RBFOX1: variants seen among roughly 807,000 people sequenced by gnomAD.
RBFOX1 encodes RNA binding protein fox-1 homolog 1.
In RBFOX1, 8 loss-of-function variants were observed where a neutral mutation model predicts 57.7. The observed-to-expected ratio is 0.14, with a 90% CI of 0.08 to 0.25. The LOEUF is 0.25. Among genes scored for constraint, RBFOX1 ranks in the 10% least tolerant of loss-of-function variants. RBFOX1 has a pLI of 1.00. For synonymous variants in RBFOX1, 326 were observed against 222.4 expected, an observed-to-expected ratio of 1.47 and a Z score of -4.15; for missense variants, 611 against 548.5, an observed-to-expected ratio of 1.11 and a Z score of -1.14.
At chr16:6,894,377 G>A (rs2066252968) in intron 3 of RBFOX1, among the ~76,000 whole-genome samples, 2 of 152,176 alleles carry the variant, frequency 1.3e-5, no homozygotes, top group South Asian at 4.2e-4. Flanking sequence ...TGGGTGAAAT[G>A]AAGTTTTCTC....
In RBFOX1 at chr16:6,970,171, CT is replaced by C. The variant is rs1257442189; in HGVS notation, c.-15-81885del. On this transcript the variant is annotated intron_variant, in intron 3 of 15. Coordinates refer to ENST00000550418, the MANE Select transcript of RBFOX1 (RefSeq NM_018723.4). Reference sequence around the variant, plus strand: ...CCAGCCTGGGCAACAGAACAAGACTCTGGGGGGAAAAAAATAAAAAAGAAAG... The same window carrying C: ...CCAGCCTGGGCAACAGAACAAGACTCGGGGGGAAAAAAATAAAAAAGAAAG... Among the ~76,000 whole-genome samples the C allele has an allele frequency of 2.0e-5, 3 of 151,470 alleles. No individual in the cohort carries two copies. The East Asian group carries it at 5.8e-4, about 29-fold the overall frequency.
At chr16:5,529,112 A>G (rs1422922146) in intron 2 of RBFOX1, among the ~76,000 whole-genome samples, 1 of 152,062 alleles carries the variant, frequency 6.6e-6, no homozygotes, top group Non-Finnish European at 1.5e-5. Context: ...CACAAGTCAC[A>G]TTAATAGAGG....
At chr16:6,858,280 G>A (rs1313167445) in intron 3 of RBFOX1, among the ~76,000 whole-genome samples, 1 of 152,126 alleles carries the variant, frequency 6.6e-6, no homozygotes, top group South Asian at 2.1e-4. Flanking sequence ...ATGTTTCAGA[G>A]GTCTTCCCTC....
At chr16:5,841,393 A>C (rs1036185654) in intron 3 of RBFOX1, among the ~76,000 whole-genome samples, 1 of 152,074 alleles carries the variant, frequency 6.6e-6, no homozygotes, top group Non-Finnish European at 1.5e-5. Context: ...CTATCCATCA[A>C]CCTTCTTCCT....
At chr16:6,917,543 A>C (rs999330729) in intron 3 of RBFOX1, among the ~76,000 whole-genome samples, 1 of 152,178 alleles carries the variant, frequency 6.6e-6, no homozygotes, top group Non-Finnish European at 1.5e-5. Flanking sequence ...AATGCTAACA[A>C]TGTTCATTTT....
chr16:6,199,656 A>T (rs958381673), intron 1 of RBFOX1, among the ~76,000 whole-genome samples: 1 of 152,210 alleles, frequency 6.6e-6, no homozygotes, highest in African/African-American at 2.4e-5. Context: ...AGTTGTCTAC[A>T]TATTCACCTG....
intron 1 of RBFOX1, among the ~76,000 whole-genome samples, chr16:6,265,278 G>T (rs1048244587): frequency 3.3e-5 from 5 of 151,498 alleles, no homozygotes; most frequent in Non-Finnish European, 7.4e-5. Context: ...TGGGGTTTTT[G>T]TGAGACAGAA....
At chr16:7,269,813 A>G (rs76738689) in intron 4 of RBFOX1, among the ~76,000 whole-genome samples, 2 of 152,212 alleles carry the variant, frequency 1.3e-5, no homozygotes, top group African/African-American at 4.8e-5. Flanking sequence ...GAGCATCTTT[A>G]TACTTTGTGA....
chr16:6,211,695 T>G (rs1411162434), intron 1 of RBFOX1, among the ~76,000 whole-genome samples: 2 of 152,148 alleles, frequency 1.3e-5, no homozygotes, highest in Admixed American at 6.5e-5. Context: ...TCTTTGAGTT[T>G]AGGATAGCTA....
chr16:6,460,918 G>A lies in RBFOX1; in HGVS notation c.-64+143861G>A, dbSNP rs1047765523. On this transcript the variant is annotated intron_variant, in intron 2 of 15. Coordinates refer to ENST00000550418, the MANE Select transcript of RBFOX1 (RefSeq NM_018723.4). ...ATACATGTACACCATGGAATACTAT[G>A]CAGCCATAAAAAGGACTGAGATCAT... Among the ~76,000 whole-genome samples, 10 of 151,804 alleles carry A rather than the reference G, an allele frequency of 6.6e-5. No homozygotes were observed. The East Asian group carries it at 1.9e-3, about 30-fold the overall frequency.
At chr16:6,413,141 G>A (rs980005333) in intron 2 of RBFOX1, among the ~76,000 whole-genome samples, 4 of 152,066 alleles carry the variant, frequency 2.6e-5, no homozygotes, top group Non-Finnish European at 4.4e-5. Flanking sequence ...CCAACATGGA[G>A]AAACCCTGTC....
At chr16:6,113,856 G>A (rs74004762) in intron 1 of RBFOX1, among the ~76,000 whole-genome samples, 51 of 152,282 alleles carry the variant, frequency 3.3e-4, no homozygotes, top group African/African-American at 7.5e-4. Flanking sequence ...CTGCCAGGCC[G>A]TTCTCCTTTG....
chr16:5,895,459 G>A (rs1485820172), intron 4 of RBFOX1, among the ~76,000 whole-genome samples: 1 of 152,200 alleles, frequency 6.6e-6, no homozygotes, highest in African/African-American at 2.4e-5. Context: ...GTCACTGACT[G>A]AAGAAGAAAA....
At chr16:7,540,040 C>T (rs3785255) in intron 5 of RBFOX1, among the ~76,000 whole-genome samples, 18,961 of 152,160 alleles carry the variant, frequency 0.12, 1,248 homozygotes, top group African/African-American at 0.17. Flanking sequence ...TTGTAGCTGC[C>T]ACTACTTCTA....
chr16:7,705,657 A>C (rs1373066223), intron 14 of RBFOX1, among the ~76,000 whole-genome samples: 2 of 152,148 alleles, frequency 1.3e-5, no homozygotes, highest in African/African-American at 4.8e-5. Context: ...TTAAGCGGGG[A>C]GTCATAGGAT....
intron 4 of RBFOX1, among the ~76,000 whole-genome samples, chr16:7,182,300 G>C (rs568966615): frequency 1.3e-5 from 2 of 152,024 alleles, no homozygotes; most frequent in African/African-American, 2.4e-5. Context: ...TGAATTCCGA[G>C]AGTCACCTGC....
intron 1 of RBFOX1, among the ~76,000 whole-genome samples, chr16:6,219,204 C>T (rs1194507428): frequency 6.6e-6 from 1 of 152,324 alleles, no homozygotes; most frequent in African/African-American, 2.4e-5. Context: ...TGCAGTGGCT[C>T]ACACCTGTAA....
intron 10 of RBFOX1, among the ~76,000 whole-genome samples, chr16:7,619,158 TA>T (rs1291372700): frequency 1.3e-5 from 2 of 152,208 alleles, no homozygotes; most frequent in African/African-American, 4.8e-5. Flanking sequence ...ACACTTATTG[TA>T]TTAAACCCAG....
chr16:6,669,299 C>T (rs1385417175), intron 3 of RBFOX1, among the ~76,000 whole-genome samples: 1 of 152,148 alleles, frequency 6.6e-6, no homozygotes, highest in South Asian at 2.1e-4. Flanking sequence ...CACACTCACC[C>T]AATTCACTTC....
Sources: gnomAD v4.1 joint callset for allele counts (sites outside exome capture counted in the v4.1 genomes callset) on GRCh38, gnomAD v4.1.1 for gene constraint, MANE v1.5 for transcripts, NCBI Gene and HGNC (gene_info 2026-07-23, HGNC 2026-07-21) for gene names.